Variants in BICD1 observed in about 807,000 individuals in gnomAD.
BICD1 encodes the protein BICD cargo adaptor 1.
Under a neutral mutation model 92.5 loss-of-function variants are expected in BICD1, and 35 were observed. The observed-to-expected ratio is 0.38, with a 90% CI of 0.29 to 0.50. The LOEUF (loss-of-function observed/expected upper bound fraction) is 0.50, where lower values mean the gene tolerates loss of function less well. Ranked by LOEUF, BICD1 falls within the 20% of genes least tolerant of loss-of-function variation. The pLI is 0.93. For synonymous variants in BICD1, 429 were observed against 465.1 expected (o/e 0.92, Z 1.00); for missense variants, 950 against 1,189.8 (o/e 0.80, Z 2.97).
intron 4 of BICD1, among the ~76,000 whole-genome samples, chr12:32,307,939 TG>T (rs1214859434): frequency 6.6e-6 from 1 of 152,248 alleles, no homozygotes; most frequent in Non-Finnish European, 1.5e-5. Flanking sequence ...TCAGGCTTTT[TG>T]TTTATTCCTT....
At chr12:32,274,581 T>C (rs1947229582) in intron 2 of BICD1, among the ~76,000 whole-genome samples, 1 of 152,182 alleles carries the variant, frequency 6.6e-6, no homozygotes, top group South Asian at 2.1e-4. Context: ...ATCCACTAAA[T>C]CATAATCTGA....
At chr12:32,161,380 T>C (rs1376415095) in intron 1 of BICD1, among the ~76,000 whole-genome samples, 1 of 152,244 alleles carries the variant, frequency 6.6e-6, no homozygotes, top group Non-Finnish European at 1.5e-5. Context: ...ACTGACATCA[T>C]GATTGTATTT....
chr12:32,136,085 C>T (rs1942727033), intron 1 of BICD1, among the ~76,000 whole-genome samples: 1 of 152,150 alleles, frequency 6.6e-6, no homozygotes, highest in Admixed American at 6.5e-5. Flanking sequence ...AGCTGGTGCT[C>T]CTCTGTGTTC....
chr12:32,219,021 C>T (rs1266697371), intron 2 of BICD1, among the ~76,000 whole-genome samples: 1 of 152,082 alleles, frequency 6.6e-6, no homozygotes, highest in South Asian at 2.1e-4. Flanking sequence ...CTTTTAGGCT[C>T]AGTTTTATTT....
intron 4 of BICD1, among the ~76,000 whole-genome samples, chr12:32,323,563 A>G (rs1033706078): frequency 3.9e-5 from 6 of 152,218 alleles, no homozygotes; most frequent in African/African-American, 1.4e-4. Flanking sequence ...TACCTGCAGT[A>G]CTATCATTTG....
intron 9 of BICD1, among the ~76,000 whole-genome samples, chr12:32,371,357 T>C (rs192830849): frequency 1.4e-4 from 21 of 152,288 alleles, no homozygotes; most frequent in Admixed American, 7.8e-4. Flanking sequence ...TTCCCACCCA[T>C]ACACACTGCC....
intron 2 of BICD1, among the ~76,000 whole-genome samples, chr12:32,234,387 C>T (rs566719390): frequency 4.6e-5 from 7 of 151,786 alleles, no homozygotes; most frequent in South Asian, 4.2e-4. Flanking sequence ...CACCGGAGGT[C>T]GGGGGTTCAA....
At chr12:32,160,152 C>T (rs1943558641) in intron 1 of BICD1, among the ~76,000 whole-genome samples, 1 of 152,086 alleles carries the variant, frequency 6.6e-6, no homozygotes, top group South Asian at 2.1e-4. Context: ...TAGCTGCTAC[C>T]CCTCCCACGG....
intron 4 of BICD1, among the ~76,000 whole-genome samples, chr12:32,316,827 G>A (rs1948517177): frequency 6.6e-6 from 1 of 151,894 alleles, no homozygotes; most frequent in Admixed American, 6.6e-5. Flanking sequence ...TTAGCATTAG[G>A]TATATCTCCT....
intron 1 of BICD1, among the ~76,000 whole-genome samples, chr12:32,209,806 A>G (rs889933988): frequency 2.6e-5 from 4 of 152,160 alleles, no homozygotes; most frequent in Admixed American, 6.5e-5. Flanking sequence ...CCCTTTCTAT[A>G]TGAGGTTCCC....
intron 2 of BICD1, among the ~76,000 whole-genome samples, chr12:32,221,309 T>A (rs913230762): frequency 4.6e-5 from 7 of 150,582 alleles, no homozygotes; most frequent in Admixed American, 4.6e-4. Context: ...GTGCCTGACA[T>A]GTGGCAAAAC....
rs1206191698 is a variant in BICD1, at chr12:32,107,442, C to T, written c.111C>T (p.Tyr37=). 3 of 1,611,586 alleles carry T rather than the reference C, an allele frequency of 1.9e-6. No homozygotes were observed. The African/African-American group carries it at 4.0e-5, about 22-fold the overall frequency. Residue 37 remains tyrosine, a synonymous_variant, in exon 1 of 10, where the codon TAC becomes TAT. Transcript: ENST00000652176. Reference sequence around the variant, plus strand: ...ACGAGAAGATCCAGGCTGCCGAGTACGGGCTGGTGGTGCTGGAGGAGAAGC... The same window carrying T: ...ACGAGAAGATCCAGGCTGCCGAGTATGGGCTGGTGGTGCTGGAGGAGAAGC... ...TTHEKIQAAE[Y]GLVVLEEKLT... is the part of the protein sequence containing the mutation.
intron 2 of BICD1, among the ~76,000 whole-genome samples, chr12:32,233,045 GT>G (rs2121588596): frequency 1.3e-5 from 2 of 152,244 alleles, no homozygotes; most frequent in African/African-American, 4.8e-5. Flanking sequence ...ACTGACATAG[GT>G]TTAAAAAAAT....
chr12:32,143,108 A>G (rs548867814), intron 1 of BICD1, among the ~76,000 whole-genome samples: 1 of 152,304 alleles, frequency 6.6e-6, no homozygotes, highest in Admixed American at 6.5e-5. Flanking sequence ...TCATATGTCT[A>G]TATAACCTTT....
At chr12:32,332,774 G>T in intron 5 of BICD1, 1 of 791,452 alleles carries the variant, frequency 1.3e-6, no homozygotes, top group Non-Finnish European at 1.5e-6. Flanking sequence ...ATTCCAGACA[G>T]AACAGTAGGT....
At chr12:32,192,867 G>A (rs1944615706) in intron 1 of BICD1, among the ~76,000 whole-genome samples, 2 of 152,228 alleles carry the variant, frequency 1.3e-5, no homozygotes, top group South Asian at 4.1e-4. Flanking sequence ...AATTAGAAGT[G>A]AAGCCTGAAG....
chr12:32,299,442 G>A (rs7970001), intron 3 of BICD1, among the ~76,000 whole-genome samples: 5 of 152,076 alleles, frequency 3.3e-5, no homozygotes, highest in Non-Finnish European at 5.9e-5. Context: ...TAACTTAGGT[G>A]TTAAAAGAGG....
intron 3 of BICD1, among the ~76,000 whole-genome samples, chr12:32,294,537 C>G (rs748379481): frequency 9.4e-5 from 14 of 148,748 alleles, no homozygotes; most frequent in Non-Finnish European, 1.8e-4. Flanking sequence ...AGGAGAATCA[C>G]TTGAACCCAA....
intron 1 of BICD1, among the ~76,000 whole-genome samples, chr12:32,134,573 T>C (rs975574092): frequency 6.6e-6 from 1 of 152,178 alleles, no homozygotes; most frequent in African/African-American, 2.4e-5. Context: ...TGGCTCATCA[T>C]GATGCTTAAG....
Sources: gnomAD v4.1 joint callset for allele counts (sites outside exome capture counted in the v4.1 genomes callset) on GRCh38, gnomAD v4.1.1 for gene constraint, MANE v1.5 for transcripts, NCBI Gene and HGNC (gene_info 2026-07-23, HGNC 2026-07-21) for gene names.